The following EFHC2 variants were observed in gnomAD, a reference collection of about 807,000 sequenced individuals.
EFHC2 encodes the protein EF-hand domain-containing family member C2.
A neutral mutation model predicts 52.7 loss-of-function variants in EFHC2; 18 were observed. That is an observed-to-expected ratio of 0.34 (90% confidence interval 0.24 to 0.51). The LOEUF (loss-of-function observed/expected upper bound fraction) is 0.51. EFHC2 is among the 20% of genes least tolerant of loss of function. EFHC2 has a pLI of 0.97. For synonymous variants in EFHC2, 203 were observed against 204.1 expected, an observed-to-expected ratio of 0.99 and a Z score of 0.04; for missense variants, 513 against 562.5, an observed-to-expected ratio of 0.91 and a Z score of 0.89.
chrX:44,238,982 C>T (rs183616326), intron 8 of EFHC2, among the ~76,000 whole-genome samples: 105 of 111,682 alleles, frequency 9.4e-4, no homozygotes, highest in African/African-American at 3.3e-3. Flanking sequence ...GCTTGGCACA[C>T]AGCAGGGATT....
chrX:44,255,544 TAA>T (rs1026341004), intron 4 of EFHC2, among the ~76,000 whole-genome samples: 1 of 111,486 alleles, frequency 9.0e-6, no homozygotes, highest in African/African-American at 3.3e-5. Flanking sequence ...TTCATAATGG[TAA>T]AGAGATCAAT....
intron 2 of EFHC2, chrX:44,284,346 A>G (rs1034523772): frequency 2.7e-5 from 3 of 111,701 alleles, no homozygotes; most frequent in Non-Finnish European, 1.9e-5. Flanking sequence ...CGTAGCTCCT[A>G]TAATTCCATG....
intron 8 of EFHC2, among the ~76,000 whole-genome samples, chrX:44,237,111 T>C (rs1037211705): frequency 9.9e-5 from 11 of 110,581 alleles, no homozygotes; most frequent in African/African-American, 3.6e-4. Flanking sequence ...CAAAGTTTAT[T>C]ATATATAAAA....
chrX:44,262,901 C>T (rs779905315), intron 3 of EFHC2, among the ~76,000 whole-genome samples: 6 of 111,985 alleles, frequency 5.4e-5, no homozygotes, highest in Non-Finnish European at 7.5e-5. Context: ...GAGCTACTAT[C>T]TTTATTAGAC....
At chrX:44,303,142 C>CA (rs754993597) in intron 2 of EFHC2, among the ~76,000 whole-genome samples, 6 of 111,244 alleles carry the variant, frequency 5.4e-5, no homozygotes, top group Non-Finnish European at 9.4e-5. Context: ...GGTGCTGTTA[C>CA]AAGCTGGCCT....
chrX:44,224,367 G>C (rs1240157835), intron 11 of EFHC2, among the ~76,000 whole-genome samples: 2 of 111,721 alleles, frequency 1.8e-5, no homozygotes, highest in African/African-American at 6.5e-5. Flanking sequence ...CAACAGCTGT[G>C]TCCTATGTAT....
chrX:44,272,602 A>G (rs1436614671), intron 3 of EFHC2, 84 bp downstream of exon 3: 2 of 981,248 alleles, frequency 2.0e-6, no homozygotes, highest in Non-Finnish European at 2.8e-6. Context: ...AGTAGCATGC[A>G]GTCTTTTGAA....
chrX:44,259,288 A>G (rs1239729650), intron 4 of EFHC2, among the ~76,000 whole-genome samples: 1 of 111,255 alleles, frequency 9.0e-6, no homozygotes, highest in Non-Finnish European at 1.9e-5. Flanking sequence ...TCAGCAAACT[A>G]ACACAGGAAC....
In EFHC2 at chrX:44,248,189, T is replaced by G. The variant is rs1173337086; in HGVS notation, c.1111+83A>C. ...GTGGTAGCTATTATGAGCCTAGCAT[T>G]TGAAACTCCAAAGTAAAATCTTAAT... On this transcript the variant is annotated intron_variant, in intron 7 of 14. Transcript: ENST00000420999. 5.7e-6 allele frequency: 5 copies of G among 874,905 alleles called. No homozygotes were observed. In the African/African-American group the frequency reaches 8.2e-5, roughly 14 times the overall value. The allele number at this position is 874,905 out of a possible 1,213,427, so 72.1% of individuals were successfully genotyped here. A position where few individuals can be genotyped will look rare whatever the true frequency, so the allele number is the denominator to read the frequency against.
At chrX:44,251,237 TCAAAAAAAAAAAAA>T (rs2037443758) in intron 4 of EFHC2, among the ~76,000 whole-genome samples, 1 of 16,495 alleles carries the variant, frequency 6.1e-5, no homozygotes, top group Non-Finnish European at 8.5e-5. Flanking sequence ...AGACTCCATC[TCAAAAAAAAAAAAA>T]AAAAAAAAAA....
chrX:44,316,188 T>G (rs761368857), intron 1 of EFHC2, among the ~76,000 whole-genome samples: 5 of 111,949 alleles, frequency 4.5e-5, no homozygotes, highest in Non-Finnish European at 9.4e-5. Context: ...TCCTCTTTGG[T>G]CAGACCACAT....
At chrX:44,186,950 T>C (rs2036879920) in intron 11 of EFHC2, among the ~76,000 whole-genome samples, 1 of 107,152 alleles carries the variant, frequency 9.3e-6, no homozygotes, top group Admixed American at 1.0e-4. Flanking sequence ...AGACTCCATC[T>C]CTACCAAAAC....
intron 14 of EFHC2, among the ~76,000 whole-genome samples, chrX:44,161,018 C>T (rs780410571): frequency 2.7e-5 from 3 of 111,266 alleles, no homozygotes; most frequent in African/African-American, 6.5e-5. Flanking sequence ...AAATTTTCCA[C>T]GATTAAGAAA....
chrX:44,277,975 G>A (rs180776333), intron 2 of EFHC2, among the ~76,000 whole-genome samples: 247 of 111,619 alleles, frequency 2.2e-3, no homozygotes, highest in African/African-American at 7.6e-3. Flanking sequence ...TAAATTAATG[G>A]ATTAAAATTA....
At chrX:44,239,217 T>C (rs2037342696) in intron 8 of EFHC2, among the ~76,000 whole-genome samples, 1 of 112,220 alleles carries the variant, frequency 8.9e-6, no homozygotes. Flanking sequence ...AAACCATGAA[T>C]TTTTGGATGC....
rs1166951852 is a variant in EFHC2, at chrX:44,231,966, C to G, written c.1620+515G>C. Reference sequence around the variant, plus strand: ...CAAAAAAAAAAACTCTTTGAGCTCACTGTTGCCAGTTTATCCTTAAATCCT... The same window carrying G: ...CAAAAAAAAAAACTCTTTGAGCTCAGTGTTGCCAGTTTATCCTTAAATCCT... On this transcript the variant is annotated intron_variant, in intron 10 of 14. Transcript: ENST00000420999. Among the ~76,000 whole-genome samples the G allele has an allele frequency of 3.6e-5, 4 of 112,092 alleles. No homozygotes were observed. In the East Asian group the frequency reaches 1.1e-3, roughly 32 times the overall value.
At chrX:44,178,241 T>G in intron 12 of EFHC2, 126 bp downstream of exon 12, 1 of 613,472 alleles carries the variant, frequency 1.6e-6, no homozygotes, top group Non-Finnish European at 2.5e-6. Flanking sequence ...TTGTGCTAAA[T>G]AGTAGAGTAT....
chrX:44,311,290 A>C (rs920855723), intron 2 of EFHC2, among the ~76,000 whole-genome samples: 7 of 106,664 alleles, frequency 6.6e-5, no homozygotes, highest in Non-Finnish European at 1.3e-4. Context: ...ACTAGGCTTC[A>C]AAAAAAAATG....
intron 13 of EFHC2, among the ~76,000 whole-genome samples, chrX:44,174,229 T>G (rs2036767218): frequency 9.0e-6 from 1 of 111,507 alleles, no homozygotes. Context: ...ATTCGAGAGA[T>G]AAGGAATCTG....
Sources: allele counts gnomAD v4.1 joint callset (sites outside exome capture counted in the v4.1 genomes callset), GRCh38; gene constraint gnomAD v4.1.1; transcripts MANE v1.5; gene names NCBI Gene and HGNC (gene_info 2026-07-23, HGNC 2026-07-21).